The following KIF3A variants were observed in gnomAD, a reference collection of about 807,000 sequenced individuals.
KIF3A encodes the protein kinesin-like protein KIF3A.
A neutral mutation model predicts 92.6 loss-of-function variants in KIF3A; 27 were observed. The observed-to-expected ratio is 0.29, with a 90% CI of 0.21 to 0.40. The LOEUF is 0.40. Ranked by LOEUF, KIF3A falls within the 10% of genes least tolerant of loss-of-function variation. The pLI is 1.00. For missense variants in KIF3A, 581 were observed against 872.6 expected (o/e 0.67, Z 4.21); for synonymous variants, 250 against 275.4 (o/e 0.91, Z 0.92).
At chr5:132,726,620 G>A (rs973024650) in intron 2 of KIF3A, 122 bp from the exon 3 acceptor site, 2 of 851,962 alleles carry the variant, frequency 2.3e-6, no homozygotes, top group Non-Finnish European at 3.7e-6. Flanking sequence ...ATTTATTCTA[G>A]CACAAGTTTC....
intron 2 of KIF3A, among the ~76,000 whole-genome samples, chr5:132,732,542 C>T (rs1009132443): frequency 1.1e-4 from 16 of 151,836 alleles, no homozygotes; most frequent in East Asian, 3.9e-4. Flanking sequence ...TTTGGGAGGC[C>T]GAGGCGGGTG....
chr5:132,704,963 T>A (rs1220012635), intron 11 of KIF3A, among the ~76,000 whole-genome samples: 1 of 151,934 alleles, frequency 6.6e-6, no homozygotes, highest in Non-Finnish European at 1.5e-5. Context: ...ATTATTTGTA[T>A]AGAACTGTAA....
intron 7 of KIF3A, 109 bp downstream of exon 7, chr5:132,716,135 CA>C (rs1561702000): frequency 1.2e-5 from 12 of 1,014,240 alleles, no homozygotes; most frequent in African/African-American, 1.6e-5. Flanking sequence ...AACCACAAGT[CA>C]AAAAAAGTAA....
chr5:132,717,016 G>GT, intron 5 of KIF3A, 32 bp from the exon 6 acceptor site: 2 of 1,596,944 alleles, frequency 1.3e-6, no homozygotes, highest in Non-Finnish European at 1.7e-6. Context: ...CTTTAAAAGT[G>GT]TAACAGAGAG....
At chr5:132,710,636 C>T (rs915178895) in intron 9 of KIF3A, among the ~76,000 whole-genome samples, 1 of 151,928 alleles carries the variant, frequency 6.6e-6, no homozygotes, top group Admixed American at 6.6e-5. Context: ...AACAAACAAA[C>T]AAACAAAAAA....
intron 11 of KIF3A, 22 bp downstream of exon 11, chr5:132,706,429 A>G: frequency 6.6e-7 from 1 of 1,525,712 alleles, no homozygotes; most frequent in Non-Finnish European, 8.8e-7. Context: ...TACCATGTGG[A>G]GTGCAAATCA....
rs1366543229 is a variant in KIF3A at position 132,724,701 on chromosome 5, G to GTTAATGGGTGCAGCA, written c.510+1412_510+1426dup. On this transcript the variant is annotated intron_variant, in intron 4 of 18. Transcript: ENST00000403231. ...GAGATATACCTAATGTAAATGACGA[G>GTTAATGGGTGCAGCA]TTAATGGGTGCAGCACACCAACATG... Among the ~76,000 whole-genome samples, 121 of 150,012 alleles carry GTTAATGGGTGCAGCA rather than the reference G, an allele frequency of 8.1e-4. 1 individual carries two copies. The highest frequency in any genetic ancestry group is 6.9e-3 in the Middle Eastern group (2 of 288).
In KIF3A at chr5:132,733,899, T is replaced by C. The variant is rs80063923; in HGVS notation, c.280+306A>G. 7.6e-3 allele frequency among the ~76,000 whole-genome samples: 1,164 copies of C among 152,316 alleles called. 6 individuals are homozygous for C. Among genetic ancestry groups the C allele is most frequent in the African/African-American group, 0.016 (672 of 41,572 alleles). ...GCAGGATAAACTTCAAAAACATTAT[T>C]TGATGTGAAAGAAAACAGATAAAAA... On this transcript the variant is annotated intron_variant, in intron 2 of 18. Coordinates refer to ENST00000403231, the MANE Select transcript of KIF3A (RefSeq NM_001300791.2).
At chr5:132,701,994 GAAGTATT>G (rs982516754) in intron 15 of KIF3A, 86 bp downstream of exon 15, 1 of 1,298,348 alleles carries the variant, frequency 7.7e-7, no homozygotes, top group African/African-American at 1.5e-5. Context: ...TTCAATAACT[GAAGTATT>G]AAGTATTTAT....
In KIF3A at chr5:132,700,450, C is replaced by CT. The variant is rs796393546; in HGVS notation, c.1939-167dup. 2.2e-5 allele frequency: 14 copies of CT among 650,060 alleles called. No homozygotes were observed. In the South Asian group the frequency reaches 2.7e-4, roughly 13 times the overall value. 40.3% of individuals were successfully genotyped at this position (650,060 alleles called of 1,614,324 possible). On this transcript the variant is annotated intron_variant, in intron 16 of 18. Transcript: ENST00000403231. ...ACTTAGTCCCACATAGCCCCTAACT[C>CT]TGACCATTTCCACCCAGACCATGAT... is the stretch of plus-strand genomic sequence containing the variant.
intron 4 of KIF3A, 94 bp from the exon 5 acceptor site, chr5:132,720,808 G>A (rs1753798847): frequency 4.5e-6 from 3 of 664,720 alleles, no homozygotes; most frequent in Non-Finnish European, 2.6e-6. Flanking sequence ...ACTAGACAGA[G>A]GGAATATACT....
rs1754327353 is a variant in KIF3A at position 132,734,428 on chromosome 5, A to T, written c.57T>A (p.Val19=). 6.2e-7 allele frequency: 1 copy of T among 1,613,956 alleles called. No individual in the cohort carries two copies. Among genetic ancestry groups the T allele is most frequent in the East Asian group, 2.2e-5 (1 of 44,886 alleles). ...PESCDNVKVV[V]RCRPLNEREK... ...CTCTCTCATTGAGGGGCCGGCACCT[A>T]ACAACAACCTTCACATTATCGCAGC... Residue 19 remains valine (V), a synonymous_variant, in exon 2 of 19, where the codon GTT becomes GTA. Transcript: ENST00000403231.
intron 18 of KIF3A, chr5:132,697,415 T>C (rs1028715581): frequency 1.3e-5 from 2 of 151,626 alleles, no homozygotes. Context: ...TATTCAAATA[T>C]CATATTATTT....
chr5:132,728,315 G>C (rs1754106241), intron 2 of KIF3A, among the ~76,000 whole-genome samples: 1 of 151,972 alleles, frequency 6.6e-6, no homozygotes, highest in South Asian at 2.1e-4. Context: ...GAATCCTCCT[G>C]CCTGTAATCC....
rs1486833428 is a variant in KIF3A, at chr5:132,726,180, T to C, written c.458A>G (p.Tyr153Cys). The change falls in exon 4 of 19, where the codon TAT (tyrosine) becomes TGT (cysteine). Residue 153 changes from tyrosine (Y) to cysteine (C), a missense_variant. This residue lies in a region of KIF3A where 217 missense variants were observed against 299.7 expected (regional missense o/e 0.72). Coordinates refer to ENST00000403231, the MANE Select transcript of KIF3A (RefSeq NM_001300791.2). The part of the protein sequence containing the change: ...FLVRVSYLEI[Y>C]NEEVRDLLGK... ...CAAAAGGTCACGAACTTCTTCATTA[T>C]ATATTTCCAAATAAGACACTCGAAC... 1 of 1,612,338 alleles carries C rather than the reference T, an allele frequency of 6.2e-7. No individual in the cohort carries two copies.
Position 132,716,847 on chromosome 5 carries a change from C to T in KIF3A, c.754G>A (p.Ala252Thr). ...RMGKLHLVDL[A>T]GSERQAKTGA... is the part of the protein sequence containing the mutation. ...TTAAGCAGTGTCCTGTTACTTACAGCAAGATCTACAAGATGGAGCTTCCCC... is the reference window on the plus strand; with the variant it reads ...TTAAGCAGTGTCCTGTTACTTACAGTAAGATCTACAAGATGGAGCTTCCCC... The change falls in exon 6 of 19, where the codon GCT becomes ACT. Residue 252 changes from alanine (A) to threonine (T), a missense_variant and splice_region_variant. By Grantham distance (58) the Ala-to-Thr change is moderately conservative. Around this residue, in one of 5 missense-constraint regions of KIF3A, gnomAD observed 40 missense variants for 107.0 expected, o/e 0.37. Coordinates refer to ENST00000403231, the MANE Select transcript of KIF3A (RefSeq NM_001300791.2). The T allele has an allele frequency of 6.2e-7, 1 of 1,613,744 alleles. No homozygotes were observed.
rs1049066691 is a variant in KIF3A, at chr5:132,715,597, G to A, written c.1129+160C>T. On this transcript the variant is annotated intron_variant, in intron 8 of 18. Transcript: ENST00000403231. ...TTACTTAAGCTTAATATGAAAATGC[G>A]AAAGTATGTAAGTACCAAGTCACTT... Among the ~76,000 whole-genome samples, 5 of 152,156 alleles carry A rather than the reference G, an allele frequency of 3.3e-5. No homozygotes were observed. The East Asian group carries it at 5.8e-4, about 18-fold the overall frequency.
intron 15 of KIF3A, 36 bp from the exon 16 acceptor site, chr5:132,700,736 T>C: frequency 7.7e-7 from 1 of 1,297,394 alleles, no homozygotes; most frequent in Non-Finnish European, 1.1e-6. Flanking sequence ...ATTTTTAATA[T>C]TTAATAACAT....
In KIF3A at chr5:132,726,475, T is replaced by C; in HGVS notation, c.304A>G (p.Thr102Ala). 6.2e-7 allele frequency: 1 copy of C among 1,613,718 alleles called. No homozygotes were observed. The highest frequency in any genetic ancestry group is 1.1e-5 in the South Asian group (1 of 91,034). Residue 102 changes from threonine to alanine, a missense_variant, in exon 3 of 19, where the codon ACC becomes GCC. By Grantham distance (58) the Thr-to-Ala change is moderately conservative (BLOSUM62 0). Coordinates refer to ENST00000403231, the MANE Select transcript of KIF3A (RefSeq NM_001300791.2). ...YNGTIFAYGQ[T>A]GTGKTFTMEG... ...ATGGTAAAAGTTTTGCCTGTTCCGG[T>C]TTGTCCATATGCAAAAATAGTCCCT...
Sources: gnomAD v4.1 joint callset for allele counts (sites outside exome capture counted in the v4.1 genomes callset) on GRCh38, gnomAD v4.1.1 for gene constraint, gnomAD v4.1.1 regional missense constraint, MANE v1.5 for transcripts, NCBI Gene and HGNC (gene_info 2026-07-23, HGNC 2026-07-21) for gene names.